Variants in COL27A1 observed in about 807,000 individuals in gnomAD.
The protein encoded by COL27A1 is collagen type XXVII alpha 1 chain.
Under a neutral mutation model 251.3 loss-of-function variants are expected in COL27A1, and 106 were observed. The ratio of observed to expected loss-of-function variants is 0.42; its 90% CI spans 0.36 to 0.50. The LOEUF (loss-of-function observed/expected upper bound fraction) is 0.50, where lower values mean the gene tolerates loss of function less well. COL27A1 is among the 20% of genes least tolerant of loss of function. COL27A1 has a pLI of 0.00. For missense variants in COL27A1, 2,325 were observed against 2,522.8 expected (o/e 0.92, Z 1.68); for synonymous variants, 1,000 against 986.3 (o/e 1.01, Z -0.26).
chr9:114,269,911 G>A (rs1304097212), intron 35 of COL27A1, among the ~76,000 whole-genome samples: 1 of 152,156 alleles, frequency 6.6e-6, no homozygotes, highest in Non-Finnish European at 1.5e-5. Context: ...TCTGAACAGC[G>A]ATGAATTCTA....
chr9:114,223,014 A>T (rs1831224046), intron 14 of COL27A1, among the ~76,000 whole-genome samples: 1 of 152,146 alleles, frequency 6.6e-6, no homozygotes, highest in Non-Finnish European at 1.5e-5. Flanking sequence ...CCTATACACG[A>T]GGAGGTGGGA....
At chr9:114,308,938 C>T (rs569453955) in intron 59 of COL27A1, among the ~76,000 whole-genome samples, 1 of 152,310 alleles carries the variant, frequency 6.6e-6, no homozygotes, top group African/African-American at 2.4e-5. Context: ...AAACCCTCTC[C>T]CTCGCTGAGC....
Position 114,264,936 on chromosome 9 carries a change from C to A in COL27A1, c.3262C>A (p.Pro1088Thr), listed in dbSNP as rs146162741. The A allele has an allele frequency of 5.8e-5, 93 of 1,613,148 alleles. No homozygotes were observed. The African/African-American group carries it at 1.1e-3, about 19-fold the overall frequency. The change falls in exon 30 of 61, where the codon CCC becomes ACC. Residue 1088 changes from proline to threonine, a missense_variant. Around this residue, in one of 4 missense-constraint regions of COL27A1, gnomAD observed 662 missense variants for 795.3 expected, o/e 0.83. Transcript: ENST00000356083. Reference sequence around the variant, plus strand: ...CTGCTTCCCACAGGGCCCTCCAGGACCCCAGGGCAGACCGGGCCGGCCTGG... The same window carrying A: ...CTGCTTCCCACAGGGCCCTCCAGGAACCCAGGGCAGACCGGGCCGGCCTGG... ...GSRGLKGPPG[P>T]QGRPGRPGQQ...
At position 114,300,928 on chromosome 9, in the gene COL27A1, G is replaced by A. The variant is rs933405213; in HGVS notation, c.4702-144G>A. 1.5e-5 allele frequency: 13 copies of A among 840,464 alleles called. No homozygotes were observed. The African/African-American group carries it at 2.0e-4, about 13-fold the overall frequency. The allele number at this position is 840,464 out of a possible 1,614,324, so 52.1% of individuals were successfully genotyped here. On this transcript the variant is annotated intron_variant, in intron 51 of 60. Transcript: ENST00000356083. Reference sequence around the variant, plus strand: ...GTCCACCCCTAGGCACAAATGAGGGGCTCAGGAGATGCATGGCCTGGGCCC... The same window carrying A: ...GTCCACCCCTAGGCACAAATGAGGGACTCAGGAGATGCATGGCCTGGGCCC...
At position 114,268,413 on chromosome 9, in the gene COL27A1, C is replaced by T. The variant is rs139617763; in HGVS notation, c.3502-828C>T. Among the ~76,000 whole-genome samples the T allele has an allele frequency of 1.9e-3, 291 of 152,370 alleles. 1 individual carries two copies. Among genetic ancestry groups the T allele is most frequent in the African/African-American group, 6.9e-3 (285 of 41,596 alleles). ...CAGCAGGGAGCATAGCTTGAAAATT[C>T]TCCAATGAGAAAGACCCTTTTAGGG... On this transcript the variant is annotated intron_variant, in intron 34 of 60. Coordinates refer to ENST00000356083, the MANE Select transcript of COL27A1 (RefSeq NM_032888.4).
intron 4 of COL27A1, among the ~76,000 whole-genome samples, chr9:114,182,769 A>C (rs1028745629): frequency 5.9e-5 from 9 of 152,218 alleles, no homozygotes; most frequent in Admixed American, 3.9e-4. Context: ...TCAAAATAGT[A>C]ATAACAACAC....
intron 42 of COL27A1, 43 bp downstream of exon 42, chr9:114,288,554 G>T (rs934708047): frequency 3.8e-6 from 6 of 1,575,740 alleles, no homozygotes; most frequent in Admixed American, 1.9e-5. Flanking sequence ...GTCCTAGGTG[G>T]AATCTGAGCC....
At chr9:114,309,914 C>T (rs1294274815) in intron 60 of COL27A1, among the ~76,000 whole-genome samples, 1 of 152,158 alleles carries the variant, frequency 6.6e-6, no homozygotes, top group African/African-American at 2.4e-5. Flanking sequence ...CTAAACAAAA[C>T]TAATAATACT....
chr9:114,257,505 G>C (rs1834005164), intron 27 of COL27A1, among the ~76,000 whole-genome samples: 1 of 152,082 alleles, frequency 6.6e-6, no homozygotes. Context: ...TCGTGCACCT[G>C]TGCCAGGCCA....
At chr9:114,231,929 G>C in intron 16 of COL27A1, 63 bp downstream of exon 16, 1 of 1,538,642 alleles carries the variant, frequency 6.5e-7, no homozygotes, top group Non-Finnish European at 9.0e-7. Context: ...TCTCCGCCCG[G>C]AGGCTGCTGC....
chr9:114,167,992 C>T lies in COL27A1; in HGVS notation c.437C>T (p.Ala146Val). The T allele has an allele frequency of 6.2e-7, 1 of 1,604,830 alleles. No homozygotes were observed. Among genetic ancestry groups the T allele is most frequent in the Non-Finnish European group, 8.5e-7 (1 of 1,179,780 alleles). ...VVHLGSRRSV[A>V]FDLDMHDGRW... ...CACCTCGGGTCCCGGCGCTCAGTGG[C>T]CTTCGACCTCGACATGCACGACGGG... Residue 146 changes from alanine to valine, a missense_variant, in exon 3 of 61, where the codon GCC becomes GTC. By Grantham distance (64) the Ala-to-Val change is moderately conservative (BLOSUM62 0). Transcript: ENST00000356083.
chr9:114,249,455 C>A (rs1415666129), intron 24 of COL27A1, among the ~76,000 whole-genome samples: 1 of 152,228 alleles, frequency 6.6e-6, no homozygotes, highest in Non-Finnish European at 1.5e-5. Flanking sequence ...GCCCTGTTCA[C>A]AGCCACATGC....
At chr9:114,300,747 C>T (rs1828560672) in intron 51 of COL27A1, 60 bp downstream of exon 51, 4 of 1,374,924 alleles carry the variant, frequency 2.9e-6, no homozygotes, top group Admixed American at 5.3e-5. Flanking sequence ...GGTTGGCCAG[C>T]CATCAGCTGG....
intron 5 of COL27A1, among the ~76,000 whole-genome samples, chr9:114,188,666 T>G (rs1484566570): frequency 6.6e-6 from 1 of 152,220 alleles, no homozygotes; most frequent in Non-Finnish European, 1.5e-5. Context: ...AAATGATTTA[T>G]AATATGCCTT....
chr9:114,229,447 C>CT (rs1191054776), intron 14 of COL27A1, among the ~76,000 whole-genome samples: 1 of 152,200 alleles, frequency 6.6e-6, no homozygotes, highest in East Asian at 1.9e-4. Context: ...TCTGCCTGGC[C>CT]TCCCTCCGAG....
At chr9:114,192,263 T>C (rs1250751164) in intron 5 of COL27A1, among the ~76,000 whole-genome samples, 1 of 152,174 alleles carries the variant, frequency 6.6e-6, no homozygotes, top group African/African-American at 2.4e-5. Flanking sequence ...AGCTCCTCTA[T>C]CAGCTGCAGA....
rs767569604 is a variant in COL27A1, at chr9:114,264,897, C to T, written c.3250-27C>T. ...AACGGTCCTCCCAAGCACCCTCTCC[C>T]ACCTTCACGTGCTCTGCTTCCCACA... On this transcript the variant is annotated intron_variant, in intron 29 of 60. Coordinates refer to ENST00000356083, the MANE Select transcript of COL27A1 (RefSeq NM_032888.4). 4 of 1,605,430 alleles carry T rather than the reference C, an allele frequency of 2.5e-6. No individual in the cohort carries two copies. In the East Asian group the frequency reaches 8.9e-5, roughly 36 times the overall value.
intron 24 of COL27A1, among the ~76,000 whole-genome samples, chr9:114,250,372 G>A (rs919881728): frequency 1.8e-4 from 27 of 152,208 alleles, no homozygotes; most frequent in African/African-American, 6.3e-4. Context: ...AATGTGTGGC[G>A]CTCCCAGGGA....
intron 57 of COL27A1, among the ~76,000 whole-genome samples, chr9:114,305,696 T>C (rs1411978728): frequency 6.6e-6 from 1 of 152,024 alleles, no homozygotes; most frequent in Non-Finnish European, 1.5e-5. Flanking sequence ...GTGTAGAGAA[T>C]TGTGCAGGAG....
Sources: gnomAD v4.1 joint callset for allele counts (sites outside exome capture counted in the v4.1 genomes callset) on GRCh38, gnomAD v4.1.1 for gene constraint, gnomAD v4.1.1 regional missense constraint, MANE v1.5 for transcripts, NCBI Gene and HGNC (gene_info 2026-07-23, HGNC 2026-07-21) for gene names.